The following PXDC1 variants were observed in gnomAD, a reference collection of about 807,000 sequenced individuals.
The protein encoded by PXDC1 is PX domain containing 1.
In PXDC1, 13 loss-of-function variants were observed where a neutral mutation model predicts 24.4. The observed-to-expected ratio is 0.53, with a 90% CI of 0.35 to 0.85. The LOEUF (loss-of-function observed/expected upper bound fraction) is 0.85, where lower values mean the gene tolerates loss of function less well. PXDC1 is among the 40% of genes least tolerant of loss of function. The pLI is 0.01. For synonymous variants in PXDC1, 162 were observed against 124.9 expected (o/e 1.30, Z -1.98); for missense variants, 344 against 309.3 (o/e 1.11, Z -0.84).
chr6:3,723,551 G>T lies in PXDC1; in HGVS notation c.*68C>A. ...TGGGGCAGCAGCTGTGACCATGGGGGCCAGCACAGTGGACAGCATCAGAGC... is the reference window on the plus strand; with the variant it reads ...TGGGGCAGCAGCTGTGACCATGGGGTCCAGCACAGTGGACAGCATCAGAGC... On this transcript the variant is annotated 3_prime_UTR_variant, in exon 5 of 5. Coordinates refer to ENST00000380283, the MANE Select transcript of PXDC1 (RefSeq NM_183373.4). 8.2e-7 allele frequency: 1 copy of T among 1,225,352 alleles called. No homozygotes were observed. The highest frequency in any genetic ancestry group is 1.2e-6 in the Non-Finnish European group (1 of 830,016). The allele number at this position is 1,225,352 out of a possible 1,614,324, so 75.9% of individuals were successfully genotyped here.
intron 1 of PXDC1, among the ~76,000 whole-genome samples, chr6:3,740,989 G>A (rs775360913): frequency 2.6e-5 from 4 of 152,254 alleles, no homozygotes; most frequent in Non-Finnish European, 5.9e-5. Context: ...TGCGATGTTC[G>A]CTGGCTGTGC....
At chr6:3,729,705 C>T (rs1254928883) in intron 3 of PXDC1, among the ~76,000 whole-genome samples, 1 of 152,242 alleles carries the variant, frequency 6.6e-6, no homozygotes, top group East Asian at 1.9e-4. Context: ...CACAGAACCA[C>T]TGCCTTTATT....
rs1759967635 is a variant in PXDC1 at position 3,722,735 on chromosome 6, T to G, written c.*884A>C. 2 of 152,672 alleles carry G rather than the reference T, an allele frequency of 1.3e-5. No homozygotes were observed. The highest frequency in any genetic ancestry group is 2.4e-5 in the African/African-American group (1 of 41,454). The allele number at this position is 152,672 out of a possible 1,614,324, so 9.5% of individuals were successfully genotyped here. A position where few individuals can be genotyped will look rare whatever the true frequency, so the allele number is the denominator to read the frequency against. ...GCAAATGTCGGTCGTTAGTAGACACTGAGCAGAGAAGCTTGAAGAACGGGG... is the reference window on the plus strand; with the variant it reads ...GCAAATGTCGGTCGTTAGTAGACACGGAGCAGAGAAGCTTGAAGAACGGGG... On this transcript the variant is annotated 3_prime_UTR_variant, in exon 5 of 5. Coordinates refer to ENST00000380283, the MANE Select transcript of PXDC1 (RefSeq NM_183373.4).
At chr6:3,735,865 C>T (rs1404488759) in intron 3 of PXDC1, among the ~76,000 whole-genome samples, 1 of 152,026 alleles carries the variant, frequency 6.6e-6, no homozygotes, top group African/African-American at 2.4e-5. Flanking sequence ...CACACTTTAC[C>T]CCATAAATAT....
At chr6:3,742,596 G>C (rs1760473682) in intron 1 of PXDC1, among the ~76,000 whole-genome samples, 2 of 152,172 alleles carry the variant, frequency 1.3e-5, no homozygotes, top group Non-Finnish European at 2.9e-5. Context: ...GAAAAAGCAG[G>C]ATGGCGTTCA....
chr6:3,736,827 T>C (rs1331970298), intron 3 of PXDC1, among the ~76,000 whole-genome samples: 2 of 152,270 alleles, frequency 1.3e-5, no homozygotes, highest in African/African-American at 4.8e-5. Context: ...TTCATCGTTA[T>C]ACCATTTCTT....
At chr6:3,729,846 G>A (rs1760156027) in intron 3 of PXDC1, among the ~76,000 whole-genome samples, 1 of 152,178 alleles carries the variant, frequency 6.6e-6, no homozygotes, top group African/African-American at 2.4e-5. Context: ...ACTTGGTTGG[G>A]TGGTGGCCTA....
chr6:3,736,865 A>C (rs948345882), intron 3 of PXDC1, among the ~76,000 whole-genome samples: 15 of 152,218 alleles, frequency 9.9e-5, no homozygotes, highest in Admixed American at 6.5e-5. Context: ...CATGCCAAAC[A>C]AACCCCTGAG....
At chr6:3,748,743 A>C (rs1408765469) in intron 1 of PXDC1, among the ~76,000 whole-genome samples, 1 of 152,000 alleles carries the variant, frequency 6.6e-6, no homozygotes, top group African/African-American at 2.4e-5. Flanking sequence ...CTGCCAGCAG[A>C]AGCTCAGAAA....
intron 1 of PXDC1, among the ~76,000 whole-genome samples, chr6:3,743,142 G>T (rs935373928): frequency 1.3e-5 from 2 of 152,168 alleles, no homozygotes; most frequent in Non-Finnish European, 2.9e-5. Context: ...GCTTCCTCCA[G>T]GGAGGACCTT....
chr6:3,730,394 T>A (rs1336919703), intron 3 of PXDC1, among the ~76,000 whole-genome samples: 4 of 152,208 alleles, frequency 2.6e-5, no homozygotes, highest in Non-Finnish European at 5.9e-5. Flanking sequence ...ACAGCTTTTA[T>A]ACGCCTGTGC....
Position 3,723,511 on chromosome 6 carries a change from T to C in PXDC1, c.*108A>G. The C allele has an allele frequency of 1.9e-5, 16 of 863,520 alleles. No homozygotes were observed. Among genetic ancestry groups the C allele is most frequent in the Middle Eastern group, 3.6e-4 (1 of 2,790 alleles). 53.5% of individuals were successfully genotyped at this position (863,520 alleles called of 1,614,324 possible). ...TGGCGTCAGTGGGGCCTGGGACGTC[T>C]GGGAGTTCCAGAGCTGGGGCAGCAG... On this transcript the variant is annotated 3_prime_UTR_variant, in exon 5 of 5. Transcript: ENST00000380283.
chr6:3,723,688 G>A lies in PXDC1; in HGVS notation c.627C>T (p.Asp209=). The A allele has an allele frequency of 6.2e-7, 1 of 1,614,210 alleles. No homozygotes were observed. Among genetic ancestry groups the A allele is most frequent in the East Asian group, 2.2e-5 (1 of 44,882 alleles). Residue 209 remains aspartate (D), a synonymous_variant, in exon 5 of 5, where the codon GAC becomes GAT. Transcript: ENST00000380283. ...ACAGGTTGGTGACGTAGGCTGCTGGGTCGTCCCCGTCCTCCAGCTCTGAGG... is the reference window on the plus strand; with the variant it reads ...ACAGGTTGGTGACGTAGGCTGCTGGATCGTCCCCGTCCTCCAGCTCTGAGG... ...EFPSELEDGD[D]PAAYVTNLSY... is the part of the protein sequence containing the mutation.
In PXDC1 at chr6:3,723,427, C is replaced by T. The variant is rs905471516; in HGVS notation, c.*192G>A. Reference sequence around the variant, plus strand: ...TGACCTCAGCTTGCTGGAGACTCTGCGGTCAGCCTGGCCCACTAGGAGCCC... The same window carrying T: ...TGACCTCAGCTTGCTGGAGACTCTGTGGTCAGCCTGGCCCACTAGGAGCCC... On this transcript the variant is annotated 3_prime_UTR_variant, in exon 5 of 5. Transcript: ENST00000380283. The T allele has an allele frequency of 2.8e-5, 17 of 611,006 alleles. No individual in the cohort carries two copies. The highest frequency in any genetic ancestry group is 1.6e-4 in the South Asian group (8 of 49,676). 37.8% of individuals were successfully genotyped at this position (611,006 alleles called of 1,614,324 possible).
At chr6:3,731,645 T>A (rs1398297266) in intron 3 of PXDC1, among the ~76,000 whole-genome samples, 2 of 152,192 alleles carry the variant, frequency 1.3e-5, no homozygotes, top group Admixed American at 1.3e-4. Context: ...CTCTTTTCCG[T>A]GGGGGCCCCA....
At chr6:3,747,409 T>G (rs1760595430) in intron 1 of PXDC1, among the ~76,000 whole-genome samples, 1 of 152,008 alleles carries the variant, frequency 6.6e-6, no homozygotes, top group Non-Finnish European at 1.5e-5. Flanking sequence ...CCAAATCACC[T>G]CTCTGCTCAG....
rs942479896 is a variant in PXDC1, at chr6:3,725,276, G to C, written c.579-1540C>G. ...CAGGATGACCCTGAGGACATGAGGA[G>C]GGAGGGGGACCGGGATGCTCAGGGA... On this transcript the variant is annotated intron_variant, in intron 4 of 4. Coordinates refer to ENST00000380283, the MANE Select transcript of PXDC1 (RefSeq NM_183373.4). This position sits in a 1 kb window ranked among gnomAD's most constrained non-coding sequence, Gnocchi z 4.8. Among the ~76,000 whole-genome samples the C allele has an allele frequency of 6.6e-5, 10 of 152,194 alleles. No homozygotes were observed. Among genetic ancestry groups the C allele is most frequent in the African/African-American group, 2.4e-4 (10 of 41,442 alleles).
intron 4 of PXDC1, among the ~76,000 whole-genome samples, chr6:3,726,521 G>A (rs763624944): frequency 1.3e-5 from 2 of 152,234 alleles, no homozygotes; most frequent in Non-Finnish European, 2.9e-5. Flanking sequence ...CTGTTAGCAG[G>A]AGCCAGTCCC....
chr6:3,732,935 A>G (rs1760234956), intron 3 of PXDC1, among the ~76,000 whole-genome samples: 1 of 152,256 alleles, frequency 6.6e-6, no homozygotes, highest in Non-Finnish European at 1.5e-5. Flanking sequence ...GGAATTAACC[A>G]GGACAGCAGT....
Sources: gnomAD v4.1 joint callset for allele counts (sites outside exome capture counted in the v4.1 genomes callset) on GRCh38, gnomAD v4.1.1 for gene constraint, Gnocchi (gnomAD v3.1) non-coding constraint, MANE v1.5 for transcripts, NCBI Gene and HGNC (gene_info 2026-07-23, HGNC 2026-07-21) for gene names.